CYP4X1: variants seen among roughly 807,000 people sequenced by gnomAD.
CYP4X1 encodes the protein cytochrome P450 4X1.
In CYP4X1, 44 loss-of-function variants were observed where a neutral mutation model predicts 57.9. The ratio of observed to expected loss-of-function variants is 0.76; its 90% confidence interval spans 0.60 to 0.98. The LOEUF (loss-of-function observed/expected upper bound fraction) is 0.98. Ranked by LOEUF, CYP4X1 falls within the 50% of genes least tolerant of loss-of-function variation. CYP4X1 has a pLI of 0.00. For missense variants in CYP4X1, 532 were observed against 623.9 expected (o/e 0.85, Z 1.57); for synonymous variants, 227 against 228.6 (o/e 0.99, Z 0.06).
the CYP4X1 span, among the ~76,000 whole-genome samples, chr1:46,984,646 G>A: frequency 6.6e-6 from 1 of 152,112 alleles, no homozygotes; most frequent in Non-Finnish European, 1.5e-5. Context: ...GCCATGGGGG[G>A]CTGTGCCTTG....
the CYP4X1 span, among the ~76,000 whole-genome samples, chr1:46,981,577 T>G: frequency 1.6e-4 from 25 of 152,344 alleles, no homozygotes; most frequent in African/African-American, 6.0e-4. Context: ...AGTGTGGTGA[T>G]TCCTCAAGGA....
intron 6 of CYP4X1, among the ~76,000 whole-genome samples, 156 bp from the exon 7 acceptor site, chr1:47,038,504 C>T (rs1237452002): frequency 1.3e-5 from 2 of 152,088 alleles, no homozygotes; most frequent in Non-Finnish European, 2.9e-5. Flanking sequence ...AATCAAAAGT[C>T]CCTTTGATGA....
chr1:46,994,663 T>C, the CYP4X1 span, among the ~76,000 whole-genome samples: 2 of 152,162 alleles, frequency 1.3e-5, no homozygotes, highest in African/African-American at 2.4e-5. Flanking sequence ...AATTGATTGA[T>C]TGTGCAGGAT....
At chr1:46,987,748 C>A in the CYP4X1 span, among the ~76,000 whole-genome samples, 3 of 152,158 alleles carry the variant, frequency 2.0e-5, no homozygotes, top group Non-Finnish European at 4.4e-5. Context: ...AACCACATAA[C>A]TACATGGAAA....
chr1:47,001,041 C>A, the CYP4X1 span: 1 of 232,500 alleles, frequency 4.3e-6, no homozygotes, highest in South Asian at 8.1e-5. Context: ...TCAGGGCCAC[C>A]TTAAGCTCGT....
the CYP4X1 span, among the ~76,000 whole-genome samples, chr1:46,997,012 A>G: frequency 1.3e-5 from 2 of 152,208 alleles, no homozygotes; most frequent in African/African-American, 2.4e-5. Flanking sequence ...GGCACTTTGA[A>G]GCAGTTTCTC....
chr1:47,034,059 G>T (rs1644152275), intron 4 of CYP4X1, among the ~76,000 whole-genome samples: 1 of 152,230 alleles, frequency 6.6e-6, no homozygotes, highest in African/African-American at 2.4e-5. Context: ...AAGGTGACAG[G>T]TAAGGATGGC....
the CYP4X1 span, among the ~76,000 whole-genome samples, chr1:47,003,300 G>C: frequency 6.6e-6 from 1 of 152,152 alleles, no homozygotes; most frequent in Non-Finnish European, 1.5e-5. Flanking sequence ...TGTGGACCTG[G>C]AAAGTGATCC....
the CYP4X1 span, among the ~76,000 whole-genome samples, chr1:46,983,933 T>C: frequency 2.0e-5 from 3 of 152,042 alleles, no homozygotes; most frequent in Non-Finnish European, 4.4e-5. Flanking sequence ...CCCCTCAGCA[T>C]CATTGGTACA....
At chr1:47,006,864 C>T in the CYP4X1 span, among the ~76,000 whole-genome samples, 61 of 152,278 alleles carry the variant, frequency 4.0e-4, no homozygotes, top group African/African-American at 1.2e-3. Flanking sequence ...AACTGCAAGG[C>T]GGCAGCGAGG....
chr1:46,991,023 A>T, the CYP4X1 span, among the ~76,000 whole-genome samples: 9 of 151,388 alleles, frequency 5.9e-5, no homozygotes, highest in African/African-American at 1.7e-4. Flanking sequence ...CGTTCTGCAC[A>T]TGTATCCCAG....
At chr1:47,048,126 G>C (rs562213488) in intron 9 of CYP4X1, among the ~76,000 whole-genome samples, 1 of 151,694 alleles carries the variant, frequency 6.6e-6, no homozygotes, top group African/African-American at 2.4e-5. Flanking sequence ...TTGCATGCTT[G>C]TATTCCTGCC....
chr1:47,035,511 T>C (rs1644170970), intron 4 of CYP4X1, among the ~76,000 whole-genome samples: 1 of 152,222 alleles, frequency 6.6e-6, no homozygotes, highest in Admixed American at 6.5e-5. Context: ...TTAATGGAAC[T>C]CTGGTCTGTT....
In CYP4X1 at chr1:47,030,026, A is replaced by G. The variant is rs201492207; in HGVS notation, c.214A>G (p.Ile72Val). Reference protein sequence around the residue: ...QDDNMEKLEEIIEKYPRAFPF... With the variant: ...QDDNMEKLEEVIEKYPRAFPF... ...TGATAACATGGAGAAGCTTGAGGAA[A>G]TTATTGAAAAATACCCTCGTGCCTT... is the stretch of plus-strand genomic sequence containing the variant. Residue 72 changes from isoleucine (I) to valine (V), a missense_variant, in exon 2 of 12, where the codon ATT (isoleucine) becomes GTT (valine). Physicochemically the swap from Ile to Val is conservative, Grantham distance 29. Coordinates refer to ENST00000371901, the MANE Select transcript of CYP4X1 (RefSeq NM_178033.2). The G allele has an allele frequency of 3.4e-5, 55 of 1,614,072 alleles. No individual in the cohort carries two copies. Among genetic ancestry groups the G allele is most frequent in the East Asian group, 4.5e-5 (2 of 44,870 alleles).
At chr1:47,021,994 C>T (rs74073803), upstream of CYP4X1, among the ~76,000 whole-genome samples, 1,131 of 152,200 alleles carry the variant, frequency 7.4e-3, 10 homozygotes, top group African/African-American at 0.025. Context: ...TACCACCATG[C>T]GATCATATGA....
the CYP4X1 span, among the ~76,000 whole-genome samples, chr1:47,001,633 C>A: frequency 6.6e-6 from 1 of 152,168 alleles, no homozygotes; most frequent in African/African-American, 2.4e-5. Flanking sequence ...TGCCCTTACG[C>A]CTCGGTCCAA....
At chr1:46,998,772 A>G in the CYP4X1 span, among the ~76,000 whole-genome samples, 1 of 152,038 alleles carries the variant, frequency 6.6e-6, no homozygotes, top group Non-Finnish European at 1.5e-5. Context: ...GTAGGAGTCC[A>G]GTTTTATTTT....
chr1:47,047,401 C>T (rs1035793163), intron 9 of CYP4X1, among the ~76,000 whole-genome samples: 2 of 152,222 alleles, frequency 1.3e-5, no homozygotes, highest in Non-Finnish European at 2.9e-5. Context: ...ACTTTGCTGA[C>T]AGACCCAGAA....
At chr1:47,042,027 G>A (rs1644251838) in intron 8 of CYP4X1, among the ~76,000 whole-genome samples, 1 of 152,010 alleles carries the variant, frequency 6.6e-6, no homozygotes, top group Non-Finnish European at 1.5e-5. Flanking sequence ...ACCATTTATT[G>A]AAGATACTGC....
Sources: allele counts gnomAD v4.1 joint callset (sites outside exome capture counted in the v4.1 genomes callset), GRCh38; gene constraint gnomAD v4.1.1; transcripts MANE v1.5; gene names NCBI Gene and HGNC (gene_info 2026-07-23, HGNC 2026-07-21).